SCHIP1: variants seen among roughly 807,000 people sequenced by gnomAD.
SCHIP1 encodes the protein schwannomin-interacting protein 1.
Under a neutral mutation model 29.7 loss-of-function variants are expected in SCHIP1, and 8 were observed. The observed-to-expected ratio is 0.27, with a 90% confidence interval of 0.16 to 0.49. The LOEUF is 0.49. SCHIP1 is among the 20% of genes least tolerant of loss of function. SCHIP1 has a pLI of 0.99. For synonymous variants in SCHIP1, 76 were observed against 94.9 expected (o/e 0.80, Z 1.16); for missense variants, 193 against 294.6 (o/e 0.66, Z 2.52).
At chr3:159,834,139 A>G in the SCHIP1 span, among the ~76,000 whole-genome samples, 60 of 152,320 alleles carry the variant, frequency 3.9e-4, no homozygotes, top group Admixed American at 2.5e-3. Flanking sequence ...CATGAGGGTC[A>G]TATGCATTTA....
chr3:159,771,641 T>A, the SCHIP1 span, among the ~76,000 whole-genome samples: 3 of 151,980 alleles, frequency 2.0e-5, no homozygotes, highest in Non-Finnish European at 4.4e-5. Context: ...CTCTGTCTAC[T>A]GGCATGTACT....
the SCHIP1 span, among the ~76,000 whole-genome samples, chr3:159,714,016 C>T: frequency 6.6e-6 from 1 of 152,294 alleles, no homozygotes; most frequent in African/African-American, 2.4e-5. Context: ...GTGGGTGGAT[C>T]ACTTGAGGTC....
At chr3:159,294,033 C>G in the SCHIP1 span, among the ~76,000 whole-genome samples, 2 of 152,030 alleles carry the variant, frequency 1.3e-5, no homozygotes, top group Non-Finnish European at 2.9e-5. Context: ...GTCTTAGGTG[C>G]TATGTAACTA....
At chr3:159,792,406 C>T in the SCHIP1 span, among the ~76,000 whole-genome samples, 1 of 152,160 alleles carries the variant, frequency 6.6e-6, no homozygotes, top group East Asian at 1.9e-4. Flanking sequence ...TACTGCAAGG[C>T]TGTTAAAGAA....
At chr3:159,300,494 G>A in the SCHIP1 span, among the ~76,000 whole-genome samples, 8 of 152,162 alleles carry the variant, frequency 5.3e-5, no homozygotes, top group East Asian at 1.4e-3. Flanking sequence ...GCGTGGTATT[G>A]GTGAATTTTT....
the SCHIP1 span, among the ~76,000 whole-genome samples, chr3:159,756,084 G>T: frequency 6.6e-6 from 1 of 152,248 alleles, no homozygotes; most frequent in Non-Finnish European, 1.5e-5. Context: ...GGGTCTGGAA[G>T]ATGGTGGTCC....
chr3:159,660,743 A>C, the SCHIP1 span, among the ~76,000 whole-genome samples: 1 of 152,218 alleles, frequency 6.6e-6, no homozygotes, highest in Non-Finnish European at 1.5e-5. Flanking sequence ...TCAGAGGTTC[A>C]GCAGAGAAGA....
chr3:159,778,126 C>T, the SCHIP1 span, among the ~76,000 whole-genome samples: 8 of 152,126 alleles, frequency 5.3e-5, no homozygotes, highest in South Asian at 2.1e-4. Flanking sequence ...GGACTACAGG[C>T]GCCCGCCAGC....
chr3:159,422,891 T>C, the SCHIP1 span, among the ~76,000 whole-genome samples: 2 of 152,196 alleles, frequency 1.3e-5, no homozygotes, highest in South Asian at 4.1e-4. Flanking sequence ...CTATTGCAAA[T>C]GCTGCTGCCA....
intron 6 of SCHIP1, 133 bp from the exon 8 acceptor site, chr3:159,896,590 C>T (rs986174830): frequency 6.3e-6 from 5 of 798,466 alleles, no homozygotes; most frequent in Non-Finnish European, 8.9e-6. Context: ...GAATAAGGTA[C>T]TTTTTCTTGA....
chr3:159,695,123 A>G, the SCHIP1 span, among the ~76,000 whole-genome samples: 4 of 152,302 alleles, frequency 2.6e-5, no homozygotes, highest in East Asian at 7.7e-4. Flanking sequence ...TAGAGTGCCT[A>G]CCATGTGCAG....
rs546720404 is a variant in SCHIP1 at position 159,854,024 on chromosome 3, T to C, written c.31-12139T>C. On this transcript the variant is annotated intron_variant, in intron 1 of 6. Transcript: ENST00000445224. ...CCGAGTAAAAATAGCTTTAGTTATA[T>C]GGGTGAGGTCATGAAATTAAACTAC... Among the ~76,000 whole-genome samples the C allele has an allele frequency of 2.6e-4, 39 of 152,302 alleles. 1 individual carries two copies. The South Asian group carries it at 7.9e-3, about 31-fold the overall frequency.
At chr3:159,291,962 A>G in the SCHIP1 span, among the ~76,000 whole-genome samples, 1 of 152,186 alleles carries the variant, frequency 6.6e-6, no homozygotes, top group Non-Finnish European at 1.5e-5. Flanking sequence ...CAAATACAGT[A>G]TGTGGGCTTT....
chr3:159,788,209 T>G, the SCHIP1 span, among the ~76,000 whole-genome samples: 1 of 152,184 alleles, frequency 6.6e-6, no homozygotes, highest in Non-Finnish European at 1.5e-5. Flanking sequence ...GGAAAGCACC[T>G]TCTTTAGATT....
chr3:159,422,094 G>T, the SCHIP1 span, among the ~76,000 whole-genome samples: 1 of 152,178 alleles, frequency 6.6e-6, no homozygotes, highest in African/African-American at 2.4e-5. Context: ...GTCATTTTCA[G>T]CATTTCCTCT....
At chr3:159,318,288 T>A in the SCHIP1 span, among the ~76,000 whole-genome samples, 1 of 152,188 alleles carries the variant, frequency 6.6e-6, no homozygotes, top group East Asian at 1.9e-4. Flanking sequence ...GAGAGGTCCA[T>A]CCACATACCT....
chr3:159,782,613 T>C, the SCHIP1 span, among the ~76,000 whole-genome samples: 1 of 152,246 alleles, frequency 6.6e-6, no homozygotes, highest in Non-Finnish European at 1.5e-5. Context: ...ACCACCACTC[T>C]GTGCTTACTT....
At chr3:159,573,443 C>T in the SCHIP1 span, among the ~76,000 whole-genome samples, 1 of 152,184 alleles carries the variant, frequency 6.6e-6, no homozygotes, top group Non-Finnish European at 1.5e-5. Flanking sequence ...GGCCCCCACT[C>T]TCTTCTGGCT....
At chr3:159,363,839 T>TTGATAA in the SCHIP1 span, among the ~76,000 whole-genome samples, 1 of 152,192 alleles carries the variant, frequency 6.6e-6, no homozygotes, top group East Asian at 1.9e-4. Flanking sequence ...AGGATACTTT[T>TTGATAA]TGATAATGAT....
Sources: gnomAD v4.1 joint callset for allele counts (sites outside exome capture counted in the v4.1 genomes callset) on GRCh38, gnomAD v4.1.1 for gene constraint, MANE v1.5 for transcripts, NCBI Gene and HGNC (gene_info 2026-07-23, HGNC 2026-07-21) for gene names.